MEF2C: variants seen among roughly 807,000 people sequenced by gnomAD.
The protein encoded by MEF2C is myocyte enhancer factor 2C, also known as myocyte-specific enhancer factor 2C.
A neutral mutation model predicts 50.5 loss-of-function variants in MEF2C; 6 were observed. The ratio of observed to expected loss-of-function variants is 0.12; its 90% CI spans 0.07 to 0.23. The LOEUF is 0.23. Among genes scored for constraint, MEF2C ranks in the 10% least tolerant of loss-of-function variants. The pLI is 1.00. For synonymous variants in MEF2C, 183 were observed against 228.0 expected (o/e 0.80, Z 1.78); for missense variants, 276 against 605.0 (o/e 0.46, Z 5.70).
Position 88,785,038 on chromosome 5 carries a change from A to G in MEF2C, c.258+19560T>C, listed in dbSNP as rs1790148574. Reference sequence around the variant, plus strand: ...AGACCAGAAGAGTCGATGTACACAGATACAAGGACCTTGATTCTTCTAGCA... The same window carrying G: ...AGACCAGAAGAGTCGATGTACACAGGTACAAGGACCTTGATTCTTCTAGCA... On this transcript the variant is annotated intron_variant, in intron 3 of 10. Transcript: ENST00000504921. Among the ~76,000 whole-genome samples, 3 of 152,158 alleles carry G rather than the reference A, an allele frequency of 2.0e-5. No individual in the cohort carries two copies. In the South Asian group the frequency reaches 6.2e-4, roughly 32 times the overall value.
chr5:88,787,159 A>G (rs1195919959), intron 3 of MEF2C, among the ~76,000 whole-genome samples: 2 of 152,186 alleles, frequency 1.3e-5, no homozygotes, highest in Admixed American at 6.5e-5. Context: ...CAATTCGTTG[A>G]CCTTTGTTAG....
At chr5:88,892,013 A>G (rs1834638200) in intron 1 of MEF2C, among the ~76,000 whole-genome samples, 1 of 145,674 alleles carries the variant, frequency 6.9e-6, no homozygotes, top group African/African-American at 2.4e-5. Flanking sequence ...TTTTAAATTA[A>G]TAACAATAAA....
intron 1 of MEF2C, among the ~76,000 whole-genome samples, chr5:88,850,205 A>G (rs1055987607): frequency 6.6e-6 from 1 of 152,128 alleles, no homozygotes. Flanking sequence ...TTGTCCTCAA[A>G]GCAAAATTTC....
At chr5:88,782,464 CAAA>C (rs5869442) in intron 3 of MEF2C, among the ~76,000 whole-genome samples, 3 of 141,986 alleles carry the variant, frequency 2.1e-5, no homozygotes, top group Admixed American at 7.0e-5. Context: ...GAAATCATCT[CAAA>C]AAAAAAAAAA....
At chr5:88,873,076 C>T (rs555071114) in intron 1 of MEF2C, among the ~76,000 whole-genome samples, 1 of 151,862 alleles carries the variant, frequency 6.6e-6, no homozygotes, top group African/African-American at 2.4e-5. Context: ...CACACTCACA[C>T]CGTTGGAGTT....
chr5:88,863,381 T>C (rs1044396615), intron 1 of MEF2C, among the ~76,000 whole-genome samples: 13 of 152,358 alleles, frequency 8.5e-5, no homozygotes, highest in African/African-American at 3.1e-4. Flanking sequence ...ACAGTTGACG[T>C]CCAAGAAGTG....
intron 3 of MEF2C, among the ~76,000 whole-genome samples, chr5:88,786,349 A>G (rs929382652): frequency 3.3e-5 from 5 of 152,230 alleles, no homozygotes; most frequent in Non-Finnish European, 7.3e-5. Context: ...TTCTCCAATG[A>G]TTAAACTGCG....
At chr5:88,838,456 T>C (rs1816034471) in intron 1 of MEF2C, 1 of 535,948 alleles carries the variant, frequency 1.9e-6, no homozygotes, top group Non-Finnish European at 2.4e-6. Context: ...AATCAGTATA[T>C]ATTCTTCACA....
At chr5:88,783,864 A>G (rs2152901771) in intron 3 of MEF2C, among the ~76,000 whole-genome samples, 1 of 152,314 alleles carries the variant, frequency 6.6e-6, no homozygotes, top group African/African-American at 2.4e-5. Flanking sequence ...AATGTCTTCC[A>G]AACTTGTATT....
intron 3 of MEF2C, chr5:88,785,279 TACACACACACACACACACACACACACAC>T (rs57929414): frequency 7.0e-6 from 1 of 143,838 alleles, no homozygotes; most frequent in Admixed American, 7.0e-5. Flanking sequence ...AAAACTGGCA[TACACACACACACACACACACACACACAC>T]ACACACACAC....
At chr5:88,816,647 G>A (rs1263140790) in intron 2 of MEF2C, among the ~76,000 whole-genome samples, 1 of 151,540 alleles carries the variant, frequency 6.6e-6, no homozygotes. Context: ...TATGCATGAG[G>A]AGCTTTTAAG....
At chr5:88,791,566 A>G (rs1033342074) in intron 3 of MEF2C, among the ~76,000 whole-genome samples, 3 of 152,144 alleles carry the variant, frequency 2.0e-5, no homozygotes, top group Admixed American at 2.0e-4. Context: ...TTCAACAATG[A>G]TTATTTTCTT....
intron 1 of MEF2C, among the ~76,000 whole-genome samples, chr5:88,890,216 G>A (rs1834392371): frequency 6.6e-6 from 1 of 152,240 alleles, no homozygotes; most frequent in South Asian, 2.1e-4. Context: ...AAAGCAAGAA[G>A]TAGGGTATTC....
At chr5:88,879,520 T>C (rs1272243240) in intron 1 of MEF2C, among the ~76,000 whole-genome samples, 1 of 152,038 alleles carries the variant, frequency 6.6e-6, no homozygotes, top group East Asian at 1.9e-4. Context: ...TTGACTATTA[T>C]GCATTTTCTG....
At chr5:88,878,642 C>T (rs1831856744) in intron 1 of MEF2C, among the ~76,000 whole-genome samples, 1 of 151,886 alleles carries the variant, frequency 6.6e-6, no homozygotes, top group African/African-American at 2.4e-5. Context: ...AAATATACTC[C>T]ATATTTATAG....
chr5:88,844,109 C>T lies in MEF2C; in HGVS notation c.-142-20179G>A, dbSNP rs191083007. On this transcript the variant is annotated intron_variant, in intron 1 of 10. Coordinates refer to ENST00000504921, the MANE Select transcript of MEF2C (RefSeq NM_002397.5). ...ACAGGCATGAGCCATCGCACCCCTGCGAAACAATTTTAAATCATCCTAGTA... is the reference window on the plus strand; with the variant it reads ...ACAGGCATGAGCCATCGCACCCCTGTGAAACAATTTTAAATCATCCTAGTA... Among the ~76,000 whole-genome samples, 13 of 152,256 alleles carry T rather than the reference C, an allele frequency of 8.5e-5. No homozygotes were observed. The East Asian group carries it at 2.5e-3, about 29-fold the overall frequency.
In MEF2C at chr5:88,836,663, C is replaced by A. The variant is rs552582275; in HGVS notation, c.-142-12733G>T. 2.0e-5 allele frequency among the ~76,000 whole-genome samples: 3 copies of A among 152,244 alleles called. No individual in the cohort carries two copies. The South Asian group carries it at 6.2e-4, about 32-fold the overall frequency. ...GAGTGAGCTGAGACAGTTTCTAGGCCGAAGGCCTAGCAGGAGGCTCCTTAT... is the reference window on the plus strand; with the variant it reads ...GAGTGAGCTGAGACAGTTTCTAGGCAGAAGGCCTAGCAGGAGGCTCCTTAT... On this transcript the variant is annotated intron_variant, in intron 1 of 10. Transcript: ENST00000504921.
intron 3 of MEF2C, among the ~76,000 whole-genome samples, chr5:88,785,973 ACTG>A (rs1790675536): frequency 6.6e-6 from 1 of 152,188 alleles, no homozygotes; most frequent in Admixed American, 6.5e-5. Flanking sequence ...AATGAATAGA[ACTG>A]GATTACTCAG....
chr5:88,753,529 G>C (rs1255048220), intron 4 of MEF2C, among the ~76,000 whole-genome samples: 1 of 152,108 alleles, frequency 6.6e-6, no homozygotes, highest in African/African-American at 2.4e-5. Context: ...CCAAGCAGTG[G>C]TTGGCATGTG....
Sources: allele counts gnomAD v4.1 joint callset (sites outside exome capture counted in the v4.1 genomes callset), GRCh38; gene constraint gnomAD v4.1.1; transcripts MANE v1.5; gene names NCBI Gene and HGNC (gene_info 2026-07-23, HGNC 2026-07-21).